PTPRD: variants seen among roughly 807,000 people sequenced by gnomAD.
PTPRD encodes the protein receptor-type tyrosine-protein phosphatase delta.
PTPRD carries 34 observed loss-of-function variants against 214.5 expected under a neutral mutation model. The observed-to-expected ratio is 0.16, with a 90% CI of 0.12 to 0.21. The LOEUF is 0.21. Ranked by LOEUF, PTPRD falls within the 10% of genes least tolerant of loss-of-function variation. The probability of loss-of-function intolerance (pLI) is 1.00; values close to 1 mark genes in which losing one functional copy is unlikely to be tolerated. For synonymous variants in PTPRD, 1,128 were observed against 845.7 expected, an observed-to-expected ratio of 1.33 and a Z score of -5.79; for missense variants, 2,545 against 2,398.7, an observed-to-expected ratio of 1.06 and a Z score of -1.27.
At chr9:9,794,287 T>C (rs13283142) in intron 5 of PTPRD, among the ~76,000 whole-genome samples, 1,683 of 151,962 alleles carry the variant, frequency 0.011, 18 homozygotes, top group Middle Eastern at 0.031. Flanking sequence ...ATTATGCCCA[T>C]GTTGACCATG....
intron 3 of PTPRD, among the ~76,000 whole-genome samples, chr9:10,283,047 T>C (rs1361916459): frequency 6.6e-6 from 1 of 152,064 alleles, no homozygotes; most frequent in Non-Finnish European, 1.5e-5. Flanking sequence ...TTTCCAATTT[T>C]TCAAGTTCTA....
intron 14 of PTPRD, among the ~76,000 whole-genome samples, chr9:8,557,338 T>A (rs2084183441): frequency 6.6e-6 from 1 of 151,746 alleles, no homozygotes; most frequent in African/African-American, 2.4e-5. Context: ...ATACATGTCA[T>A]GCTCTGTTAT....
chr9:10,532,710 A>G (rs899093109), intron 2 of PTPRD, among the ~76,000 whole-genome samples: 2 of 151,092 alleles, frequency 1.3e-5, no homozygotes, highest in African/African-American at 4.8e-5. Flanking sequence ...AGCAGGTTTT[A>G]TTCTTTTAAT....
At chr9:10,259,836 A>G (rs1429143552) in intron 3 of PTPRD, among the ~76,000 whole-genome samples, 1 of 152,180 alleles carries the variant, frequency 6.6e-6, no homozygotes, top group East Asian at 1.9e-4. Flanking sequence ...AGTCCCAGGC[A>G]GAGAATCTAC....
At chr9:8,318,987 A>G (rs1275573827) in intron 45 of PTPRD, among the ~76,000 whole-genome samples, 1 of 152,108 alleles carries the variant, frequency 6.6e-6, no homozygotes, top group East Asian at 1.9e-4. Context: ...AATGGTGTTT[A>G]CTTTCCTATC....
chr9:9,013,332 C>G (rs142757675), intron 11 of PTPRD, among the ~76,000 whole-genome samples: 2 of 152,134 alleles, frequency 1.3e-5, no homozygotes, highest in African/African-American at 4.8e-5. Flanking sequence ...GGAGTGCCCC[C>G]AGAATGCTGC....
intron 44 of PTPRD, among the ~76,000 whole-genome samples, chr9:8,321,425 C>T (rs1201161342): frequency 7.0e-6 from 1 of 141,924 alleles, no homozygotes; most frequent in Non-Finnish European, 1.5e-5. Context: ...ATTTTCAGAA[C>T]ATTCCTAAAT....
rs2096945037 is a variant in PTPRD, at chr9:8,483,988, G to C, written c.3413+131C>G. On this transcript the variant is annotated intron_variant, in intron 30 of 45. Transcript: ENST00000381196. ...GTAAAAGAACTCGGATAGCAAAACTGGGAGTCTGAGCAGAAGAATCTTTCA... is the reference window on the plus strand; with the variant it reads ...GTAAAAGAACTCGGATAGCAAAACTCGGAGTCTGAGCAGAAGAATCTTTCA... 2.5e-5 allele frequency: 29 copies of C among 1,173,180 alleles called. No homozygotes were observed. The South Asian group carries it at 4.6e-4, about 18-fold the overall frequency. 72.7% of individuals were successfully genotyped at this position (1,173,180 alleles called of 1,614,324 possible). A position where few individuals can be genotyped will look rare whatever the true frequency, so the allele number is the denominator to read the frequency against.
At chr9:8,690,072 C>T (rs1188101215) in intron 12 of PTPRD, among the ~76,000 whole-genome samples, 12 of 146,632 alleles carry the variant, frequency 8.2e-5, no homozygotes, top group African/African-American at 3.0e-4. Flanking sequence ...TGTACCACTA[C>T]ACTTCAGCCT....
chr9:9,141,730 T>G (rs140964778), intron 10 of PTPRD, among the ~76,000 whole-genome samples: 2,177 of 150,516 alleles, frequency 0.014, 51 homozygotes, highest in African/African-American at 0.05. Flanking sequence ...ATACCTAATG[T>G]AAACATATAT....
intron 3 of PTPRD, among the ~76,000 whole-genome samples, chr9:10,187,823 C>T (rs1344982534): frequency 6.6e-6 from 1 of 152,176 alleles, no homozygotes; most frequent in Non-Finnish European, 1.5e-5. Flanking sequence ...GCAAAGGTCC[C>T]CCACCTGGTC....
intron 8 of PTPRD, among the ~76,000 whole-genome samples, chr9:9,411,289 C>A (rs1190768787): frequency 1.7e-5 from 2 of 120,230 alleles, no homozygotes; most frequent in Admixed American, 9.6e-5. Context: ...ATAATTAAGG[C>A]AAGGGTGAAA....
chr9:8,342,045 T>C, intron 39 of PTPRD, 67 bp from the exon 40 acceptor site: 5 of 1,401,024 alleles, frequency 3.6e-6, no homozygotes, highest in South Asian at 1.5e-5. Context: ...AATAAAAGTA[T>C]TTTTATTATT....
At chr9:8,666,747 T>A (rs1013605694) in intron 12 of PTPRD, among the ~76,000 whole-genome samples, 2 of 152,194 alleles carry the variant, frequency 1.3e-5, no homozygotes, top group East Asian at 1.9e-4. Context: ...GTATAATGAA[T>A]GTCCTGTGAG....
chr9:8,321,609 G>T (rs1828278704), intron 44 of PTPRD, among the ~76,000 whole-genome samples: 1 of 146,800 alleles, frequency 6.8e-6, no homozygotes, highest in African/African-American at 2.5e-5. Flanking sequence ...ATGAGAACAG[G>T]CACACATAAC....
intron 2 of PTPRD, among the ~76,000 whole-genome samples, chr9:10,374,046 A>G (rs556106914): frequency 2.0e-5 from 3 of 152,218 alleles, no homozygotes; most frequent in African/African-American, 4.8e-5. Context: ...TACAAATACT[A>G]TGCATGCCTC....
intron 5 of PTPRD, among the ~76,000 whole-genome samples, chr9:9,904,698 A>G (rs13284337): frequency 0.61 from 93,341 of 151,936 alleles, 30,554 homozygotes; most frequent in Admixed American, 0.73. Context: ...AAGGCAAAAT[A>G]TAAGGTTAAA....
intron 5 of PTPRD, among the ~76,000 whole-genome samples, chr9:9,900,699 C>T (rs532780887): frequency 2.2e-4 from 32 of 146,544 alleles, no homozygotes; most frequent in East Asian, 3.9e-4. Context: ...TGCAGTGGCA[C>T]GATCTTGGCT....
chr9:9,313,770 A>C (rs1402516805), intron 9 of PTPRD, among the ~76,000 whole-genome samples: 2 of 152,204 alleles, frequency 1.3e-5, no homozygotes, highest in Non-Finnish European at 2.9e-5. Flanking sequence ...AAAGAATAAC[A>C]ATGGTTCTTC....
Sources: allele counts gnomAD v4.1 joint callset (sites outside exome capture counted in the v4.1 genomes callset), GRCh38; gene constraint gnomAD v4.1.1; transcripts MANE v1.5; gene names NCBI Gene and HGNC (gene_info 2026-07-23, HGNC 2026-07-21).